The following SETDB1 variants were observed in gnomAD, a reference collection of about 807,000 sequenced individuals.
SETDB1 encodes the protein SET domain bifurcated histone lysine methyltransferase 1.
In SETDB1, 31 loss-of-function variants were observed where a neutral mutation model predicts 137.4. The observed-to-expected ratio is 0.23, with a 90% CI of 0.17 to 0.30. SETDB1 has a LOEUF of 0.30. Ranked by LOEUF, SETDB1 falls within the 10% of genes least tolerant of loss-of-function variation. The probability of loss-of-function intolerance (pLI) is 1.00; values close to 1 mark genes in which losing one functional copy is unlikely to be tolerated. For missense variants in SETDB1, 1,113 were observed against 1,631.5 expected (o/e 0.68, Z 5.47); for synonymous variants, 548 against 579.9 (o/e 0.95, Z 0.79).
intron 17 of SETDB1, 127 bp downstream of exon 17, chr1:150,962,285 C>T (rs1670847028): frequency 1.1e-6 from 1 of 871,934 alleles, no homozygotes; most frequent in South Asian, 1.4e-5. Context: ...TCTCCCACCT[C>T]AGCCTCCCTA....
intron 3 of SETDB1, among the ~76,000 whole-genome samples, chr1:150,930,701 C>T (rs1459654538): frequency 2.0e-5 from 3 of 151,470 alleles, no homozygotes; most frequent in Non-Finnish European, 2.9e-5. Flanking sequence ...CCACACCCAG[C>T]TAATTTTTGT....
chr1:150,926,795 A>T (rs1472223819), intron 1 of SETDB1: 2 of 533,364 alleles, frequency 3.7e-6, no homozygotes, highest in Non-Finnish European at 7.7e-6. Context: ...AAGTATTTGG[A>T]TTGTGGATAT....
chr1:150,955,432 G>T (rs1670609078), intron 14 of SETDB1, among the ~76,000 whole-genome samples: 1 of 152,112 alleles, frequency 6.6e-6, no homozygotes, highest in African/African-American at 2.4e-5. Context: ...ATATTTTTCA[G>T]TTCCTGGATC....
At position 150,951,297 on chromosome 1, in the gene SETDB1, A is replaced by C. The variant is rs587658417; in HGVS notation, c.2217-68A>C. ...GGCCACACTGAGCAACCTTGGGTAC[A>C]TGTGTATTGTGTTATTTTTGTTCTC... On this transcript the variant is annotated intron_variant, in intron 13 of 21. Coordinates refer to ENST00000692827, the MANE Select transcript of SETDB1 (RefSeq NM_001366418.1). The C allele has an allele frequency of 5.7e-6, 7 of 1,228,534 alleles. No individual in the cohort carries two copies. The African/African-American group carries it at 1.0e-4, about 18-fold the overall frequency. 76.1% of individuals were successfully genotyped at this position (1,228,534 alleles called of 1,614,324 possible).
intron 14 of SETDB1, among the ~76,000 whole-genome samples, chr1:150,954,035 T>C (rs376432086): frequency 6.6e-6 from 1 of 151,970 alleles, no homozygotes; most frequent in Non-Finnish European, 1.5e-5. Context: ...TTTGTATTTT[T>C]AGTAGAGACA....
chr1:150,929,338 T>G (rs1306230429), intron 2 of SETDB1, among the ~76,000 whole-genome samples: 1 of 152,132 alleles, frequency 6.6e-6, no homozygotes, highest in East Asian at 1.9e-4. Context: ...ATTTCTCTGA[T>G]GGCCACTGAT....
Position 150,942,911 on chromosome 1 carries a change from A to G in SETDB1, c.733A>G (p.Asn245Asp), listed in dbSNP as rs1670208311. Residue 245 changes from asparagine to aspartate, a missense_variant, in exon 7 of 22, where the codon AAC becomes GAC. Physicochemically the swap from Asn to Asp is conservative, Grantham distance 23. Coordinates refer to ENST00000692827, the MANE Select transcript of SETDB1 (RefSeq NM_001366418.1). The stretch of plus-strand genomic sequence containing the variant: ...CAAAGGAAAGAGTCTACTGTCGGGG[A>G]ACCATATTGCCTATGATTACCACCC... ...DNKGKSLLSG[N>D]HIAYDYHPPA... 1 of 1,614,158 alleles carries G rather than the reference A, an allele frequency of 6.2e-7. No individual in the cohort carries two copies. The highest frequency in any genetic ancestry group is 8.5e-7 in the Non-Finnish European group (1 of 1,179,996).
intron 1 of SETDB1, 68 bp downstream of exon 1, chr1:150,926,585 G>T: frequency 2.5e-6 from 1 of 399,246 alleles, no homozygotes. Flanking sequence ...TTGTGGGAGG[G>T]GGTCGGGCGA....
At chr1:150,935,524 A>G (rs587741226) in intron 3 of SETDB1, among the ~76,000 whole-genome samples, 7 of 151,886 alleles carry the variant, frequency 4.6e-5, no homozygotes, top group Middle Eastern at 3.4e-3. Flanking sequence ...AAGTCTCTGA[A>G]GCTTTGTTCA....
chr1:150,934,823 ATT>A (rs1377339147), intron 3 of SETDB1, among the ~76,000 whole-genome samples: 9 of 142,410 alleles, frequency 6.3e-5, no homozygotes, highest in Non-Finnish European at 4.6e-5. Flanking sequence ...AGGATATAGA[ATT>A]TTTTTTTTTT....
chr1:150,951,197 C>T (rs1670481736), intron 13 of SETDB1, 107 bp downstream of exon 13: 9 of 1,300,594 alleles, frequency 6.9e-6, no homozygotes, highest in Non-Finnish European at 9.7e-6. Context: ...TCTTCCTTTA[C>T]CTCCTCCCTC....
intron 8 of SETDB1, 117 bp downstream of exon 8, chr1:150,944,110 G>C: frequency 1.3e-6 from 1 of 772,912 alleles, no homozygotes. Context: ...AAGAGCATAA[G>C]TTTGGTTGAT....
intron 14 of SETDB1, among the ~76,000 whole-genome samples, chr1:150,951,802 G>A (rs1670496408): frequency 6.6e-6 from 1 of 152,134 alleles, no homozygotes; most frequent in Admixed American, 6.5e-5. Context: ...TGTTCAGAGA[G>A]GAGAAGTAGG....
upstream of SETDB1, chr1:150,926,273 G>C (rs907209014): frequency 1.6e-5 from 3 of 182,492 alleles, no homozygotes; most frequent in Non-Finnish European, 3.4e-5. Flanking sequence ...AGTTTTCGTC[G>C]CCTCTGAGGG....
chr1:150,952,743 C>CG (rs1169292306), intron 14 of SETDB1, among the ~76,000 whole-genome samples: 2 of 151,872 alleles, frequency 1.3e-5, no homozygotes, highest in Non-Finnish European at 2.9e-5. Context: ...AAAAATTAGC[C>CG]GGGCATGGTG....
At chr1:150,947,217 C>T (rs7547614) in intron 10 of SETDB1, among the ~76,000 whole-genome samples, 11,622 of 152,240 alleles carry the variant, frequency 0.076, 1,506 homozygotes, top group African/African-American at 0.27. Flanking sequence ...TAAACAACCA[C>T]ATAAAAATCT....
At position 150,962,167 on chromosome 1, in the gene SETDB1, CTTTTG is replaced by C. The variant is rs751406673; in HGVS notation, c.3161+25_3161+29del. 165 of 1,613,444 alleles carry C rather than the reference CTTTTG, an allele frequency of 1.0e-4. 2 individuals carry two copies. Among genetic ancestry groups the C allele is most frequent in the African/African-American group, 3.5e-4 (26 of 74,954 alleles). ...CGAAACAAGATGTCAGTGTAAGTGCCTTTTGTTTTGTTTTGTTTTGAGACAGAGTC... is the reference window on the plus strand; with the variant it reads ...CGAAACAAGATGTCAGTGTAAGTGCCTTTTGTTTTGTTTTGAGACAGAGTC... On this transcript the variant is annotated intron_variant, in intron 17 of 21. Transcript: ENST00000692827.
chr1:150,931,726 CA>C (rs10691133), intron 3 of SETDB1, among the ~76,000 whole-genome samples: 33 of 72,358 alleles, frequency 4.6e-4, no homozygotes, highest in South Asian at 1.1e-3. Context: ...CTGTCTCACC[CA>C]AAAAAAAAAA....
Position 150,960,855 on chromosome 1 carries a change from C to G in SETDB1, c.2796C>G (p.Thr932=), listed in dbSNP as rs1480541761. ...VWRSYATRRQ[T]RGQKENGLSE... is the part of the protein sequence containing the mutation. ...GGAGCTATGCTACCCGGAGGCAGAC[C>G]CGGGGCCAGAAAGAGAACGGACTCT... The change falls in exon 16 of 22, where the codon ACC becomes ACG. Residue 932 remains threonine, a synonymous_variant. Coordinates refer to ENST00000692827, the MANE Select transcript of SETDB1 (RefSeq NM_001366418.1). The G allele has an allele frequency of 6.2e-7, 1 of 1,605,338 alleles. No individual in the cohort carries two copies. Among genetic ancestry groups the G allele is most frequent in the Non-Finnish European group, 8.5e-7 (1 of 1,175,472 alleles).
Sources: allele counts gnomAD v4.1 joint callset (sites outside exome capture counted in the v4.1 genomes callset), GRCh38; gene constraint gnomAD v4.1.1; transcripts MANE v1.5; gene names NCBI Gene and HGNC (gene_info 2026-07-23, HGNC 2026-07-21).